The following DDX50 variants were observed in gnomAD, a reference collection of about 807,000 sequenced individuals.
DDX50 encodes the protein ATP-dependent RNA helicase DDX50.
In DDX50, 56 loss-of-function variants were observed where a neutral mutation model predicts 94.8. The observed-to-expected ratio is 0.59, with a 90% CI of 0.48 to 0.74. DDX50 has a LOEUF of 0.74. DDX50 is among the 30% of genes least tolerant of loss of function. The pLI, the probability that DDX50 is intolerant of heterozygous loss-of-function variation, is 0.00. For missense variants in DDX50, 713 were observed against 881.2 expected, an observed-to-expected ratio of 0.81 and a Z score of 2.42; for synonymous variants, 264 against 295.4, an observed-to-expected ratio of 0.89 and a Z score of 1.09.
intron 2 of DDX50, among the ~76,000 whole-genome samples, chr10:68,909,208 A>G (rs1463653850): frequency 2.0e-5 from 3 of 152,212 alleles, no homozygotes; most frequent in Admixed American, 6.6e-5. Context: ...ATGCCATTTG[A>G]ATTTGAAATT....
chr10:68,946,545 G>T lies in DDX50; in HGVS notation c.2129G>T (p.Arg710Leu). Reference protein sequence around the residue: ...RSGRQSRQGSRSGSRQDGRRR... With the variant: ...RSGRQSRQGSLSGSRQDGRRR... The stretch of plus-strand genomic sequence containing the variant: ...GGTAGACAGAGTCGACAAGGAAGTC[G>T]CTCAGGAAGTCGACAAGATGGTAGA... Residue 710 changes from arginine to leucine, a missense_variant, in exon 15 of 15, where the codon CGC becomes CTC. Physicochemically the swap from Arg to Leu is moderately radical, Grantham distance 102. Coordinates refer to ENST00000373585, the MANE Select transcript of DDX50 (RefSeq NM_024045.2). The T allele has an allele frequency of 6.2e-7, 1 of 1,614,210 alleles. No homozygotes were observed. The highest frequency in any genetic ancestry group is 8.5e-7 in the Non-Finnish European group (1 of 1,180,036).
At chr10:68,913,886 TC>T (rs747329395) in intron 6 of DDX50, among the ~76,000 whole-genome samples, 172 bp from the exon 7 acceptor site, 9 of 152,176 alleles carry the variant, frequency 5.9e-5, no homozygotes, top group African/African-American at 9.7e-5. Flanking sequence ...CTTCATATTG[TC>T]CCCCAGTTTT....
At chr10:68,930,771 A>C (rs1412909868) in intron 8 of DDX50, among the ~76,000 whole-genome samples, 1 of 152,200 alleles carries the variant, frequency 6.6e-6, no homozygotes, top group Non-Finnish European at 1.5e-5. Flanking sequence ...CTCCCACCTC[A>C]GCCTCCCAAG....
At chr10:68,932,151 G>A (rs1245221163) in intron 8 of DDX50, among the ~76,000 whole-genome samples, 1 of 152,158 alleles carries the variant, frequency 6.6e-6, no homozygotes, top group Non-Finnish European at 1.5e-5. Flanking sequence ...TGAATGTTCT[G>A]GAACCAGGTA....
chr10:68,904,140 G>A (rs562471125), intron 1 of DDX50, among the ~76,000 whole-genome samples: 38 of 146,596 alleles, frequency 2.6e-4, no homozygotes, highest in Non-Finnish European at 5.1e-4. Context: ...GCGAAACTCC[G>A]TCTCAAAAAA....
chr10:68,902,351 A>G (rs575034237), intron 1 of DDX50, among the ~76,000 whole-genome samples: 150 of 152,336 alleles, frequency 9.8e-4, no homozygotes, highest in African/African-American at 3.4e-3. Flanking sequence ...TCGAAGGCTG[A>G]CATTCGACAA....
intron 8 of DDX50, among the ~76,000 whole-genome samples, chr10:68,925,356 C>T (rs1017655795): frequency 2.0e-5 from 3 of 151,814 alleles, no homozygotes; most frequent in East Asian, 1.9e-4. Flanking sequence ...ATGATCCACC[C>T]GCCTCGGCCT....
rs1261998646 is a variant in DDX50 at position 68,931,432 on chromosome 10, A to ACACAC, written c.1240-2767_1240-2766insCACAC. ...ATATGTATATATATATATATACACA[A>ACACAC]ACACACACACACACAATTTTTTTTT... On this transcript the variant is annotated intron_variant, in intron 8 of 14. Coordinates refer to ENST00000373585, the MANE Select transcript of DDX50 (RefSeq NM_024045.2). Among the ~76,000 whole-genome samples, 145 of 61,482 alleles carry ACACAC rather than the reference A, an allele frequency of 2.4e-3. 6 individuals carry two copies. The highest frequency in any genetic ancestry group is 4.2e-3 in the African/African-American group (61 of 14,364). 40.3% of individuals were successfully genotyped at this position (61,482 alleles called of 152,430 possible). A position where few individuals can be genotyped will look rare whatever the true frequency, so the allele number is the denominator to read the frequency against.
At chr10:68,930,365 G>A (rs1031191107) in intron 8 of DDX50, among the ~76,000 whole-genome samples, 4 of 151,572 alleles carry the variant, frequency 2.6e-5, no homozygotes, top group East Asian at 2.0e-4. Context: ...TAATCCACCC[G>A]CCTTGCCCTT....
At chr10:68,937,920 G>A (rs529427384) in intron 12 of DDX50, among the ~76,000 whole-genome samples, 31 of 152,050 alleles carry the variant, frequency 2.0e-4, no homozygotes, top group African/African-American at 4.6e-4. Flanking sequence ...AAAGTAAGTC[G>A]AAACACCGTG....
At chr10:68,908,451 CAAAAAAAAAAAA>C (rs71223162) in intron 2 of DDX50, among the ~76,000 whole-genome samples, 7 of 43,710 alleles carry the variant, frequency 1.6e-4, no homozygotes, top group Admixed American at 2.8e-4. Context: ...AACTCCATCT[CAAAAAAAAAAAA>C]AAAAAAAAAA....
chr10:68,927,456 A>G (rs1393404227), intron 8 of DDX50, among the ~76,000 whole-genome samples: 1 of 152,030 alleles, frequency 6.6e-6, no homozygotes, highest in African/African-American at 2.4e-5. Flanking sequence ...TACTCTACAT[A>G]TTTTTCATGG....
At chr10:68,930,156 C>T (rs369543624) in intron 8 of DDX50, among the ~76,000 whole-genome samples, 2 of 119,990 alleles carry the variant, frequency 1.7e-5, no homozygotes, top group Non-Finnish European at 3.2e-5. Context: ...TCGCTCTTGT[C>T]GCCCAAGCTG....
At chr10:68,903,829 A>G (rs1052029377) in intron 1 of DDX50, among the ~76,000 whole-genome samples, 7 of 151,248 alleles carry the variant, frequency 4.6e-5, no homozygotes, top group Admixed American at 6.6e-5. Flanking sequence ...CCCAAAAATT[A>G]GCTGGGTGTG....
intron 8 of DDX50, among the ~76,000 whole-genome samples, chr10:68,921,187 A>G (rs1351896946): frequency 3.3e-5 from 5 of 151,916 alleles, no homozygotes; most frequent in African/African-American, 4.8e-5. Flanking sequence ...ATTTTCAAAA[A>G]AAAAAATAAC....
chr10:68,919,216 A>G (rs773649692), intron 7 of DDX50, among the ~76,000 whole-genome samples: 45 of 152,236 alleles, frequency 3.0e-4, no homozygotes, highest in Admixed American at 5.2e-4. Flanking sequence ...ATGTAATCAT[A>G]CAATATGTGA....
At chr10:68,904,407 G>A (rs891787515) in intron 1 of DDX50, among the ~76,000 whole-genome samples, 3 of 152,184 alleles carry the variant, frequency 2.0e-5, no homozygotes, top group African/African-American at 7.2e-5. Context: ...TAGATTCTTA[G>A]AGTTGGAATG....
intron 4 of DDX50, among the ~76,000 whole-genome samples, chr10:68,912,785 A>G (rs1210735207): frequency 1.3e-5 from 2 of 152,210 alleles, no homozygotes; most frequent in African/African-American, 4.8e-5. Flanking sequence ...TTTGAAGTGT[A>G]AGGAATACAG....
intron 8 of DDX50, among the ~76,000 whole-genome samples, chr10:68,925,719 A>T (rs1487155072): frequency 6.6e-6 from 1 of 152,090 alleles, no homozygotes; most frequent in African/African-American, 2.4e-5. Context: ...ATAAAAAGTT[A>T]AAAATTAGCC....
Sources: allele counts gnomAD v4.1 joint callset (sites outside exome capture counted in the v4.1 genomes callset), GRCh38; gene constraint gnomAD v4.1.1; transcripts MANE v1.5; gene names NCBI Gene and HGNC (gene_info 2026-07-23, HGNC 2026-07-21).